SZT2: variants seen among roughly 807,000 people sequenced by gnomAD.
SZT2 encodes the protein KICSTOR complex protein SZT2.
A neutral mutation model predicts 404.2 loss-of-function variants in SZT2; 216 were observed. The ratio of observed to expected loss-of-function variants is 0.53; its 90% CI spans 0.48 to 0.60. The LOEUF (loss-of-function observed/expected upper bound fraction) is 0.60. Among genes scored for constraint, SZT2 ranks in the 20% least tolerant of loss-of-function variants. SZT2 has a pLI of 0.00. For synonymous variants in SZT2, 1,693 were observed against 1,749.9 expected (o/e 0.97, Z 0.81); for missense variants, 3,857 against 4,459.2 (o/e 0.86, Z 3.85).
chr1:43,437,906 A>G lies in SZT2; in HGVS notation c.6508+4A>G, dbSNP rs756969292. ...GTCCATGGTGTTGGGCAGGCAGGTA[A>G]GGTCTGAGGAGGGGGTAGGGGAGTC... On this transcript the variant is annotated splice_donor_region_variant and intron_variant, in intron 46 of 71. Coordinates refer to ENST00000634258, the MANE Select transcript of SZT2 (RefSeq NM_001365999.1). This position sits in a 1 kb window ranked among gnomAD's most constrained non-coding sequence, Gnocchi z 5.3. 1.2e-6 allele frequency: 2 copies of G among 1,614,072 alleles called. No homozygotes were observed. The highest frequency in any genetic ancestry group is 3.3e-5 in the Admixed American group (2 of 60,016).
chr1:43,422,983 C>A, intron 14 of SZT2, 100 bp downstream of exon 14: 1 of 1,483,024 alleles, frequency 6.7e-7, no homozygotes, highest in Non-Finnish European at 9.1e-7. Flanking sequence ...GAGGGAGGAG[C>A]CCCCAGACCA....
At position 43,403,232 on chromosome 1, in the gene SZT2, G is replaced by A. The variant is rs199859472; in HGVS notation, c.83G>A (p.Arg28Gln). 4.7e-5 allele frequency: 76 copies of A among 1,614,138 alleles called. No individual in the cohort carries two copies. Among genetic ancestry groups the A allele is most frequent in the Non-Finnish European group, 4.9e-5 (58 of 1,180,040 alleles). The change falls in exon 2 of 72, where the codon CGA becomes CAA. Residue 28 changes from arginine to glutamine, a missense_variant. Around this residue, in one of 7 missense-constraint regions of SZT2, gnomAD observed 536 missense variants for 637.4 expected, o/e 0.84. Transcript: ENST00000634258. ...LLMKKDYRIS[R>Q]NVRLAWFLSH... is the part of the protein sequence containing the mutation. The stretch of plus-strand genomic sequence containing the variant: ...ATGAAAAAGGATTATCGAATCTCCC[G>A]AAATGTTCGCCTGGCTTGGTTCCTC...
In SZT2 at chr1:43,452,281, TC is replaced by T; in HGVS notation, c.*1802del. On this transcript the variant is annotated 3_prime_UTR_variant, in exon 72 of 72. Coordinates refer to ENST00000634258, the MANE Select transcript of SZT2 (RefSeq NM_001365999.1). ...CATCTCAGCCTTGACTGCTATTCGATCAGCTCCCTGGGGTACTCGGCCAGCC... is the reference window on the plus strand; with the variant it reads ...CATCTCAGCCTTGACTGCTATTCGATAGCTCCCTGGGGTACTCGGCCAGCC... The T allele has an allele frequency of 6.2e-7, 1 of 1,614,106 alleles. No individual in the cohort carries two copies. Among genetic ancestry groups the T allele is most frequent in the Non-Finnish European group, 8.5e-7 (1 of 1,179,992 alleles).
At chr1:43,390,115 G>T (rs1648100055) in intron 1 of SZT2, 120 bp downstream of exon 1, 2 of 1,201,030 alleles carry the variant, frequency 1.7e-6, no homozygotes, top group South Asian at 2.0e-5. Flanking sequence ...CCTCGGCAGG[G>T]ACCAGCCCAG....
At position 43,453,107 on chromosome 1, in the gene SZT2, C is replaced by T. The variant is rs1342303385; in HGVS notation, c.*2627C>T. 8.0e-6 allele frequency: 6 copies of T among 751,560 alleles called. No homozygotes were observed. The highest frequency in any genetic ancestry group is 1.7e-5 in the African/African-American group (1 of 57,980). The allele number at this position is 751,560 out of a possible 1,614,324, so 46.6% of individuals were successfully genotyped here. On this transcript the variant is annotated 3_prime_UTR_variant, in exon 72 of 72. Coordinates refer to ENST00000634258, the MANE Select transcript of SZT2 (RefSeq NM_001365999.1). ...CACAGCTTCCTGGAATAGGCCTGTC[C>T]TCAAATGCATCACTGTATATATTTA...
intron 10 of SZT2, 62 bp downstream of exon 10, chr1:43,421,045 A>C (rs1466730367): frequency 4.4e-6 from 7 of 1,593,988 alleles, no homozygotes; most frequent in Admixed American, 1.7e-5. Flanking sequence ...ACAGATTTGC[A>C]AAGGCGGGAG....
Position 43,430,428 on chromosome 1 carries a change from G to A in SZT2, c.4480+39G>A, listed in dbSNP as rs1020784130. 6 of 1,602,460 alleles carry A rather than the reference G, an allele frequency of 3.7e-6. No homozygotes were observed. The African/African-American group carries it at 8.0e-5, about 21-fold the overall frequency. ...TGAGTCAAGGTGGGGAAGGCTGGCT[G>A]CTTCACGCCGAGATTCAAGGGTTCC... is the stretch of plus-strand genomic sequence containing the variant. On this transcript the variant is annotated intron_variant, in intron 31 of 71. Transcript: ENST00000634258.
At position 43,452,123 on chromosome 1, in the gene SZT2, C is replaced by CA; in HGVS notation, c.*1644dup. The CA allele has an allele frequency of 1.3e-6, 2 of 1,487,350 alleles. No homozygotes were observed. The highest frequency in any genetic ancestry group is 9.3e-7 in the Non-Finnish European group (1 of 1,075,156). 92.1% of individuals were successfully genotyped at this position (1,487,350 alleles called of 1,614,324 possible). A position where few individuals can be genotyped will look rare whatever the true frequency, so the allele number is the denominator to read the frequency against. On this transcript the variant is annotated 3_prime_UTR_variant, in exon 72 of 72. Coordinates refer to ENST00000634258, the MANE Select transcript of SZT2 (RefSeq NM_001365999.1). ...TTCCTCTGACCTAGGCTGGCAGCCT[C>CA]ACGTGCTGTCCCCACTGTGCACCCC...
chr1:43,415,298 AGGGC>A, intron 5 of SZT2, 85 bp downstream of exon 5: 9 of 1,508,338 alleles, frequency 6.0e-6, no homozygotes, highest in Admixed American at 3.8e-5. Context: ...TAGTCCAAAT[AGGGC>A]AAAAAAGGGC....
At position 43,437,811 on chromosome 1, in the gene SZT2, C is replaced by G. The variant is rs563389630; in HGVS notation, c.6417C>G (p.Asp2139Glu). The change falls in exon 46 of 72, where the codon GAC (aspartate) becomes GAG (glutamate). Residue 2139 changes from aspartate to glutamate, a missense_variant. Physicochemically the swap from Asp to Glu is conservative, Grantham distance 45. This residue lies in a region of SZT2 where 261 missense variants were observed against 372.9 expected (regional missense o/e 0.70). Transcript: ENST00000634258. The surrounding 1 kb of genome is among the most constrained non-coding windows in gnomAD (Gnocchi z 5.3). ...EEASGPRSPL[D>E]MVSSRSSDAA... ...TGTAGGGTCCTCGTTCTCCCTTAGA[C>G]ATGGTCTCTAGCCGCAGTTCAGATG... The G allele has an allele frequency of 6.2e-7, 1 of 1,614,192 alleles. No homozygotes were observed. Among genetic ancestry groups the G allele is most frequent in the East Asian group, 2.2e-5 (1 of 44,878 alleles).
In SZT2 at chr1:43,446,417, G is replaced by A; in HGVS notation, c.9072+1G>A. Reference sequence around the variant, plus strand: ...AATGGGGCAGGCTGTCAACTCACAGGTATGTGAATGAGCTGCGGGCACAGT... The same window carrying A: ...AATGGGGCAGGCTGTCAACTCACAGATATGTGAATGAGCTGCGGGCACAGT... On this transcript the variant is annotated splice_donor_variant, in intron 65 of 71. Transcript: ENST00000634258. LOFTEE classifies it high-confidence loss of function. 3 of 1,614,268 alleles carry A rather than the reference G, an allele frequency of 1.9e-6. No homozygotes were observed. Among genetic ancestry groups the A allele is most frequent in the Non-Finnish European group, 2.5e-6 (3 of 1,180,044 alleles).
At chr1:43,415,875 G>A (rs1651658558) in intron 5 of SZT2, 85 bp from the exon 6 acceptor site, 4 of 1,473,744 alleles carry the variant, frequency 2.7e-6, no homozygotes, top group Non-Finnish European at 3.6e-6. Flanking sequence ...GGCCTGAGAA[G>A]TGCTGGGCTA....
Position 43,431,346 on chromosome 1 carries a change from C to T in SZT2, c.4998C>T (p.Pro1666=). 1.2e-6 allele frequency: 2 copies of T among 1,612,534 alleles called. No individual in the cohort carries two copies. The highest frequency in any genetic ancestry group is 1.7e-6 in the Non-Finnish European group (2 of 1,178,830). ...TAAGGTCAGATGATGGCCTCGGGCC[C>T]CCACTGCCACCCCCAGAAGAGGAGA... The part of the protein sequence containing the change: ...SSLRSDDGLG[P]PLPPPEEERH... The change falls in exon 34 of 72, where the codon CCC becomes CCT. Residue 1666 remains proline (P), a synonymous_variant. Transcript: ENST00000634258.
chr1:43,450,453 T>G lies in SZT2; in HGVS notation c.10272T>G (p.Cys3424Trp). 1 of 1,614,016 alleles carries G rather than the reference T, an allele frequency of 6.2e-7. No homozygotes were observed. The highest frequency in any genetic ancestry group is 8.5e-7 in the Non-Finnish European group (1 of 1,179,978). Reference sequence around the variant, plus strand: ...TGGAGTCTGTCATCAACACAGCCTGTTTCACCCTCTGGACCCGCCTCCTCT... The same window carrying G: ...TGGAGTCTGTCATCAACACAGCCTGGTTCACCCTCTGGACCCGCCTCCTCT... Reference protein sequence around the residue: ...HHLESVINTACFTLWTRLL With the variant: ...HHLESVINTAWFTLWTRLL The change falls in exon 72 of 72, where the codon TGT (cysteine) becomes TGG (tryptophan). Residue 3424 changes from cysteine to tryptophan, a missense_variant. By Grantham distance (215) the Cys-to-Trp change is radical. Coordinates refer to ENST00000634258, the MANE Select transcript of SZT2 (RefSeq NM_001365999.1). This position sits in a 1 kb window ranked among gnomAD's most constrained non-coding sequence, Gnocchi z 4.3.
chr1:43,447,407 A>C, intron 66 of SZT2, 138 bp from the exon 67 acceptor site: 1 of 1,235,536 alleles, frequency 8.1e-7, no homozygotes, highest in Non-Finnish European at 1.1e-6. Flanking sequence ...GTTCCACAGG[A>C]ATGCAGGAGC....
chr1:43,425,898 T>C lies in SZT2; in HGVS notation c.2878T>C (p.Cys960Arg). ...GAGCTTTGAATACCTGATACAGCTG[T>C]GTCAGAGCAAGGAATGGGGTCCTCT... Reference protein sequence around the residue: ...MLSFEYLIQLCQSKEWGPLPP... With the variant: ...MLSFEYLIQLRQSKEWGPLPP... The change falls in exon 20 of 72, where the codon TGT becomes CGT. Residue 960 changes from cysteine to arginine, a missense_variant. Physicochemically the swap from Cys to Arg is radical, Grantham distance 180. Transcript: ENST00000634258. The surrounding 1 kb of genome is among the most constrained non-coding windows in gnomAD (Gnocchi z 4.3). The C allele has an allele frequency of 6.2e-7, 1 of 1,614,124 alleles. No homozygotes were observed. Among genetic ancestry groups the C allele is most frequent in the Non-Finnish European group, 8.5e-7 (1 of 1,180,006 alleles).
rs1243164815 is a variant in SZT2, at chr1:43,438,826, C to T, written c.6627+9C>T. ...CACCAGCTGATGTGGAGGTCAGCTC[C>T]CCTCTAGGCACCAGCATCCTTCCCA... On this transcript the variant is annotated intron_variant, in intron 47 of 71. Transcript: ENST00000634258. The T allele has an allele frequency of 1.2e-6, 2 of 1,611,850 alleles. No homozygotes were observed. The highest frequency in any genetic ancestry group is 1.7e-6 in the Non-Finnish European group (2 of 1,178,490).
rs1478327059 is a variant in SZT2 at position 43,423,222 on chromosome 1, T to C, written c.2161T>C (p.Ser721Pro). ...GGGTGCTGGTGGGGGCAGCTCTCCCTCCAAGTCACCCCCCGTGCTGGGGCC... is the reference window on the plus strand; with the variant it reads ...GGGTGCTGGTGGGGGCAGCTCTCCCCCCAAGTCACCCCCCGTGCTGGGGCC... ...LGGAGGGSSP[S>P]KSPPVLGPQQ... The change falls in exon 15 of 72, where the codon TCC (serine) becomes CCC (proline). Residue 721 changes from serine to proline, a missense_variant. Physicochemically the swap from Ser to Pro is moderately conservative, Grantham distance 74. Coordinates refer to ENST00000634258, the MANE Select transcript of SZT2 (RefSeq NM_001365999.1). The C allele has an allele frequency of 6.3e-7, 1 of 1,595,606 alleles. No individual in the cohort carries two copies. Among genetic ancestry groups the C allele is most frequent in the Non-Finnish European group, 8.5e-7 (1 of 1,178,214 alleles).
At chr1:43,435,579 G>A (rs1189377385) in intron 42 of SZT2, 2 of 404,076 alleles carry the variant, frequency 4.9e-6, no homozygotes, top group Non-Finnish European at 8.9e-6. Flanking sequence ...AATGAAAAGT[G>A]AAAGAGGGTG....
Sources: allele counts gnomAD v4.1 joint callset, GRCh38; gene constraint gnomAD v4.1.1; regional missense constraint gnomAD v4.1.1; non-coding constraint Gnocchi (gnomAD v3.1); transcripts MANE v1.5; gene names NCBI Gene and HGNC (gene_info 2026-07-23, HGNC 2026-07-21).